TTC21B: variants seen among roughly 807,000 people sequenced by gnomAD.
TTC21B encodes the protein tetratricopeptide repeat protein 21B.
Under a neutral mutation model 175.1 loss-of-function variants are expected in TTC21B, and 127 were observed. The ratio of observed to expected loss-of-function variants is 0.73; its 90% confidence interval spans 0.63 to 0.84. The LOEUF is 0.84. Ranked by LOEUF, TTC21B falls within the 40% of genes least tolerant of loss-of-function variation. The pLI, the probability that TTC21B is intolerant of heterozygous loss-of-function variation, is 0.00. For synonymous variants in TTC21B, 524 were observed against 524.5 expected, an observed-to-expected ratio of 1.00 and a Z score of 0.01; for missense variants, 1,561 against 1,558.3, an observed-to-expected ratio of 1.00 and a Z score of -0.03.
At chr2:165,944,095 T>C (rs1687465500) in intron 4 of TTC21B, among the ~76,000 whole-genome samples, 1 of 152,172 alleles carries the variant, frequency 6.6e-6, no homozygotes, top group Admixed American at 6.5e-5. Flanking sequence ...ATAAGGATCT[T>C]AACCAATGCT....
chr2:165,941,702 G>C (rs1332528926), intron 5 of TTC21B, among the ~76,000 whole-genome samples: 1 of 151,924 alleles, frequency 6.6e-6, no homozygotes, highest in Admixed American at 6.6e-5. Context: ...AGACCACAAG[G>C]AAGTATATAG....
chr2:165,888,523 A>C lies in TTC21B; in HGVS notation c.3264-49T>G, dbSNP rs778323227. The C allele has an allele frequency of 2.1e-6, 3 of 1,402,532 alleles. No homozygotes were observed. In the African/African-American group the frequency reaches 4.3e-5, roughly 20 times the overall value. The allele number at this position is 1,402,532 out of a possible 1,614,324, so 86.9% of individuals were successfully genotyped here. A position where few individuals can be genotyped will look rare whatever the true frequency, so the allele number is the denominator to read the frequency against. On this transcript the variant is annotated intron_variant, in intron 24 of 28. Transcript: ENST00000243344. ...ACTTCTGTCTCTTACTCATGATACAATTCATTGAGATTAGAATCAGCTTTT... is the reference window on the plus strand; with the variant it reads ...ACTTCTGTCTCTTACTCATGATACACTTCATTGAGATTAGAATCAGCTTTT...
chr2:165,947,559 A>C (rs1046957625), intron 3 of TTC21B: 3 of 151,840 alleles, frequency 2.0e-5, no homozygotes, highest in Admixed American at 2.0e-4. Context: ...GAAAACAAAC[A>C]AACAAAAAAA....
chr2:165,907,576 A>T lies in TTC21B; in HGVS notation c.2568+102T>A. ...ATTTTGATTTTGACATATTTTCTGT[A>T]GCTGTTTGGCCAAAAGAGATTGCTT... is the stretch of plus-strand genomic sequence containing the variant. On this transcript the variant is annotated intron_variant, in intron 19 of 28. Coordinates refer to ENST00000243344, the MANE Select transcript of TTC21B (RefSeq NM_024753.5). 4.0e-6 allele frequency: 3 copies of T among 742,934 alleles called. No homozygotes were observed. In the South Asian group the frequency reaches 4.4e-5, roughly 11 times the overall value. 46.0% of individuals were successfully genotyped at this position (742,934 alleles called of 1,614,324 possible). A position where few individuals can be genotyped will look rare whatever the true frequency, so the allele number is the denominator to read the frequency against.
chr2:165,876,088 A>C (rs1684655794), intron 28 of TTC21B, 77 bp downstream of exon 28: 1 of 840,476 alleles, frequency 1.2e-6, no homozygotes, highest in Non-Finnish European at 2.0e-6. Flanking sequence ...ATTTCTATTC[A>C]CATACATCTG....
rs139804550 is a variant in TTC21B at position 165,931,630 on chromosome 2, G to A, written c.894+128C>T. On this transcript the variant is annotated intron_variant, in intron 8 of 28. Transcript: ENST00000243344. ...CTCCTCTAAACTGCCTTTCCTAGGA[G>A]TATATCATATATTTAAATACATATT... The A allele has an allele frequency of 5.1e-3, 4,077 of 791,996 alleles. 17 individuals are homozygous for A. The highest frequency in any genetic ancestry group is 7.4e-3 in the Non-Finnish European group (3,445 of 466,788). 49.1% of individuals were successfully genotyped at this position (791,996 alleles called of 1,614,324 possible).
chr2:165,905,156 T>C (rs139027234), intron 19 of TTC21B, among the ~76,000 whole-genome samples: 25 of 151,912 alleles, frequency 1.6e-4, no homozygotes, highest in African/African-American at 6.0e-4. Flanking sequence ...AAGGCAAAGA[T>C]AGAATAATAG....
At chr2:165,906,955 C>CAAAAAAAAAA (rs1160627145) in intron 19 of TTC21B, among the ~76,000 whole-genome samples, 8 of 60,262 alleles carry the variant, frequency 1.3e-4, no homozygotes, top group East Asian at 5.3e-4. Context: ...AACTCCGTCT[C>CAAAAAAAAAA]AAAAAAAAAA....
chr2:165,897,198 C>A (rs1226373519), intron 22 of TTC21B, among the ~76,000 whole-genome samples: 1 of 152,164 alleles, frequency 6.6e-6, no homozygotes, highest in African/African-American at 2.4e-5. Flanking sequence ...TCAGGGGTAT[C>A]TCTGCCATTT....
At chr2:165,919,546 TAA>T in intron 12 of TTC21B, 113 bp from the exon 13 acceptor site, 1 of 1,198,986 alleles carries the variant, frequency 8.3e-7, no homozygotes, top group Non-Finnish European at 1.2e-6. Flanking sequence ...TTTGTAAACT[TAA>T]AGTTTGCTGT....
intron 11 of TTC21B, 195 bp downstream of exon 11, chr2:165,928,940 C>A: frequency 1.7e-6 from 1 of 579,624 alleles, no homozygotes; most frequent in Non-Finnish European, 3.1e-6. Flanking sequence ...TGAATATTTG[C>A]AAACCAATAC....
At position 165,933,064 on chromosome 2, in the gene TTC21B, GA is replaced by G. The variant is rs1686972466; in HGVS notation, c.711-8del. Reference sequence around the variant, plus strand: ...GCTATCTTGGAGCAGCAACCTGCAGGAAAACAATTTAGTTAATGTCAAAATA... The same window carrying G: ...GCTATCTTGGAGCAGCAACCTGCAGGAAACAATTTAGTTAATGTCAAAATA... On this transcript the variant is annotated splice_region_variant and splice_polypyrimidine_tract_variant and intron_variant, in intron 6 of 28. Transcript: ENST00000243344. 3 of 1,610,756 alleles carry G rather than the reference GA, an allele frequency of 1.9e-6. No individual in the cohort carries two copies. The South Asian group carries it at 3.3e-5, about 18-fold the overall frequency.
intron 11 of TTC21B, 198 bp downstream of exon 11, chr2:165,928,937 T>C (rs1686778740): frequency 3.5e-6 from 2 of 578,088 alleles, no homozygotes; most frequent in East Asian, 3.0e-5. Flanking sequence ...AAATGAATAT[T>C]TGCAAACCAA....
In TTC21B at chr2:165,891,685, C is replaced by G. The variant is rs570510917; in HGVS notation, c.2951-697G>C. Among the ~76,000 whole-genome samples the G allele has an allele frequency of 1.3e-4, 20 of 152,066 alleles. No homozygotes were observed. The East Asian group carries it at 3.1e-3, about 24-fold the overall frequency. On this transcript the variant is annotated intron_variant, in intron 22 of 28. Coordinates refer to ENST00000243344, the MANE Select transcript of TTC21B (RefSeq NM_024753.5). Reference sequence around the variant, plus strand: ...CCTTCTTCCAATTCTATCTAGTTCTCTCTTATCAGTAACAAACTAAGCTTT... The same window carrying G: ...CCTTCTTCCAATTCTATCTAGTTCTGTCTTATCAGTAACAAACTAAGCTTT...
chr2:165,879,182 C>A (rs1192716292), intron 27 of TTC21B, among the ~76,000 whole-genome samples: 1 of 152,110 alleles, frequency 6.6e-6, no homozygotes, highest in African/African-American at 2.4e-5. Flanking sequence ...AATGATGACA[C>A]AATGAAAGAA....
intron 27 of TTC21B, among the ~76,000 whole-genome samples, chr2:165,878,376 TAC>T (rs1189153405): frequency 6.6e-6 from 1 of 152,158 alleles, no homozygotes; most frequent in Non-Finnish European, 1.5e-5. Flanking sequence ...GCAAACATTC[TAC>T]ACAGTCTAAT....
rs760813331 is a variant in TTC21B, at chr2:165,930,302, T to C, written c.957A>G (p.Leu319=). Reference sequence around the variant, plus strand: ...TAGCAAATTCTGATTGCTGAGGGTTTAAACTAAAAGCTCTCTCAAGTAACG... The same window carrying C: ...TAGCAAATTCTGATTGCTGAGGGTTCAAACTAAAAGCTCTCTCAAGTAACG... ...IQTLLERAFS[L]NPQQSEFATE... Residue 319 remains leucine, a synonymous_variant, in exon 9 of 29, where the codon TTA becomes TTG. Transcript: ENST00000243344. The C allele has an allele frequency of 1.2e-6, 2 of 1,613,170 alleles. No homozygotes were observed. Among genetic ancestry groups the C allele is most frequent in the East Asian group, 4.5e-5 (2 of 44,830 alleles).
chr2:165,932,971 A>C lies in TTC21B; in HGVS notation c.795+2T>G. The C allele has an allele frequency of 6.2e-7, 1 of 1,611,420 alleles. No individual in the cohort carries two copies. The highest frequency in any genetic ancestry group is 2.2e-5 in the East Asian group (1 of 44,778). On this transcript the variant is annotated splice_donor_variant, in intron 7 of 28. Coordinates refer to ENST00000243344, the MANE Select transcript of TTC21B (RefSeq NM_024753.5). LOFTEE classifies it high-confidence loss of function. ...AAACTTAAATAATACAATGCCACTT[A>C]CCTTCTCTATATCCCCCTCTCTACA...
In TTC21B at chr2:165,927,148, ATATATATATATATATCCTAACAGT is replaced by A. The variant is rs1257041474; in HGVS notation, c.1386+1963_1386+1986del. 4.0e-4 allele frequency among the ~76,000 whole-genome samples: 24 copies of A among 60,376 alleles called. 3 individuals are homozygous for A. Among genetic ancestry groups the A allele is most frequent in the African/African-American group, 1.1e-3 (20 of 18,484 alleles). 39.6% of individuals were successfully genotyped at this position (60,376 alleles called of 152,430 possible). ...TATATATATATATATCCTAGTAGTTATATATATATATATATCCTAACAGTTATATATATATATATCCTAGTAGTT... is the reference window on the plus strand; with the variant it reads ...TATATATATATATATCCTAGTAGTTATATATATATATATATCCTAGTAGTT... On this transcript the variant is annotated intron_variant, in intron 11 of 28. Coordinates refer to ENST00000243344, the MANE Select transcript of TTC21B (RefSeq NM_024753.5).
Sources: gnomAD v4.1 joint callset for allele counts (sites outside exome capture counted in the v4.1 genomes callset) on GRCh38, gnomAD v4.1.1 for gene constraint, MANE v1.5 for transcripts, NCBI Gene and HGNC (gene_info 2026-07-23, HGNC 2026-07-21) for gene names.